DPP3: variants seen among roughly 807,000 people sequenced by gnomAD.
The protein encoded by DPP3 is dipeptidyl peptidase 3.
In DPP3, 64 loss-of-function variants were observed where a neutral mutation model predicts 89.8. The ratio of observed to expected loss-of-function variants is 0.71; its 90% CI spans 0.58 to 0.88. The LOEUF is 0.88. DPP3 is among the 40% of genes least tolerant of loss of function. The probability of loss-of-function intolerance (pLI) is 0.00; values close to 1 mark genes in which losing one functional copy is unlikely to be tolerated. For missense variants in DPP3, 835 were observed against 972.5 expected (o/e 0.86, Z 1.88); for synonymous variants, 377 against 404.3 (o/e 0.93, Z 0.81).
chr11:66,489,213 C>G (rs567008916), intron 6 of DPP3, among the ~76,000 whole-genome samples: 1 of 152,244 alleles, frequency 6.6e-6, no homozygotes, highest in East Asian at 1.9e-4. Context: ...CATGCGGAAC[C>G]CCCTCCAGCC....
At position 66,493,113 on chromosome 11, in the gene DPP3, G is replaced by C; in HGVS notation, c.1230G>C (p.Gly410=). The change falls in exon 11 of 18, where the codon GGG becomes GGC. Residue 410 remains glycine (G), a synonymous_variant. Transcript: ENST00000531863. ...QTEGFKNVSL[G]NVLAVAYATQ... is the part of the protein sequence containing the mutation. ...AAGGCTTTAAGAACGTGTCGCTGGG[G>C]AATGTGCTGGCTGTGGCCTACGCCA... 6.2e-7 allele frequency: 1 copy of C among 1,614,174 alleles called. No individual in the cohort carries two copies. The highest frequency in any genetic ancestry group is 1.1e-5 in the South Asian group (1 of 91,076).
intron 3 of DPP3, among the ~76,000 whole-genome samples, chr11:66,486,061 C>T (rs1198831453): frequency 1.3e-5 from 2 of 152,082 alleles, no homozygotes; most frequent in Non-Finnish European, 2.9e-5. Context: ...CCTCAGCTTC[C>T]AGAGTAGCTG....
chr11:66,493,406 T>G, intron 11 of DPP3, 135 bp from the exon 12 acceptor site: 1 of 929,034 alleles, frequency 1.1e-6, no homozygotes, highest in Non-Finnish European at 1.6e-6. Flanking sequence ...TGAAATGGGC[T>G]GTGGGGTGGA....
intron 6 of DPP3, among the ~76,000 whole-genome samples, chr11:66,488,565 GA>G (rs1040646975): frequency 0.26 from 27,464 of 104,376 alleles, 2,931 homozygotes; most frequent in East Asian, 0.3. Flanking sequence ...CCAGATCAAG[GA>G]AAAAAAAAAA....
chr11:66,509,018 T>C, intron 17 of DPP3, 61 bp from the exon 18 acceptor site: 3 of 1,569,956 alleles, frequency 1.9e-6, no homozygotes, highest in Non-Finnish European at 2.6e-6. Context: ...AAGATTTTTA[T>C]GATGATTCAG....
At chr11:66,485,791 G>C (rs1252714712) in intron 3 of DPP3, among the ~76,000 whole-genome samples, 2 of 152,130 alleles carry the variant, frequency 1.3e-5, no homozygotes, top group African/African-American at 4.8e-5. Context: ...TGTCACCCAA[G>C]CTGAAGTGTA....
At chr11:66,489,113 C>T (rs1423047566) in intron 6 of DPP3, among the ~76,000 whole-genome samples, 1 of 152,190 alleles carries the variant, frequency 6.6e-6, no homozygotes, top group Non-Finnish European at 1.5e-5. Context: ...GATCCGCGTG[C>T]CTCTCGGCCT....
At position 66,496,422 on chromosome 11, in the gene DPP3, T is replaced by TAGTAGAGATGGGGTTTCACCG. The variant is rs1855537632; in HGVS notation, c.1698+672_1698+673insAGTAGAGATGGGGTTTCACCG. On this transcript the variant is annotated intron_variant, in intron 15 of 17. Transcript: ENST00000531863. ...ACACCCGGCTAATTTTTTGTATTTT[T>TAGTAGAGATGGGGTTTCACCG]TTTTTCTTTTGAGACAGAGTCTCAC... Among the ~76,000 whole-genome samples the TAGTAGAGATGGGGTTTCACCG allele has an allele frequency of 2.0e-5, 3 of 151,530 alleles. No individual in the cohort carries two copies. In the East Asian group the frequency reaches 5.8e-4, roughly 29 times the overall value.
rs772749096 is a variant in DPP3, at chr11:66,482,419, C to A, written c.219C>A (p.Asp73Glu). 2 of 1,609,474 alleles carry A rather than the reference C, an allele frequency of 1.2e-6. No homozygotes were observed. The highest frequency in any genetic ancestry group is 3.3e-5 in the Admixed American group (2 of 60,036). The change falls in exon 2 of 18, where the codon GAC becomes GAA. Residue 73 changes from aspartate to glutamate, a missense_variant. Coordinates refer to ENST00000531863, the MANE Select transcript of DPP3 (RefSeq NM_130443.4). ...LSRLFRAQDP[D>E]QLRQHALAEG... ...GCCTCTTCCGCGCCCAGGACCCCGA[C>A]CAGCTGCGCCAACATGCCCTGGCTG... is the stretch of plus-strand genomic sequence containing the variant.
At position 66,492,708 on chromosome 11, in the gene DPP3, C is replaced by A; in HGVS notation, c.989-8C>A. 1 of 1,571,078 alleles carries A rather than the reference C, an allele frequency of 6.4e-7. No homozygotes were observed. Among genetic ancestry groups the A allele is most frequent in the Non-Finnish European group, 8.6e-7 (1 of 1,160,030 alleles). ...CTGCCAAGCCACAACCCCCTCCCTC[C>A]TCTGCAGGTTTCGTAGCTGTGGTGA... On this transcript the variant is annotated splice_polypyrimidine_tract_variant and splice_region_variant and intron_variant, in intron 9 of 17. Coordinates refer to ENST00000531863, the MANE Select transcript of DPP3 (RefSeq NM_130443.4).
intron 16 of DPP3, among the ~76,000 whole-genome samples, chr11:66,503,636 C>T (rs1450947184): frequency 6.6e-6 from 1 of 152,112 alleles, no homozygotes; most frequent in Non-Finnish European, 1.5e-5. Context: ...CCTGTAATCC[C>T]AGCACTTTGG....
At chr11:66,487,643 C>T (rs1002155772) in intron 5 of DPP3, among the ~76,000 whole-genome samples, 2 of 152,136 alleles carry the variant, frequency 1.3e-5, no homozygotes, top group Non-Finnish European at 2.9e-5. Flanking sequence ...TACCCACCTC[C>T]AGTAGCCCTG....
intron 10 of DPP3, 43 bp from the exon 11 acceptor site, chr11:66,493,024 T>C (rs1396728757): frequency 6.2e-7 from 1 of 1,612,416 alleles, no homozygotes; most frequent in Non-Finnish European, 8.5e-7. Flanking sequence ...CTGTTACCTT[T>C]GACCCTCACC....
At chr11:66,492,020 G>GCACC (rs1855407417) in intron 9 of DPP3, among the ~76,000 whole-genome samples, 1 of 152,206 alleles carries the variant, frequency 6.6e-6, no homozygotes, top group Admixed American at 6.5e-5. Context: ...GTTGGGGGGT[G>GCACC]GCCCAGGAAC....
intron 16 of DPP3, among the ~76,000 whole-genome samples, chr11:66,498,314 C>T (rs1590743513): frequency 3.9e-5 from 6 of 152,266 alleles, no homozygotes; most frequent in Admixed American, 3.3e-4. Flanking sequence ...AGGATGGTCT[C>T]GATCTCCTGA....
intron 16 of DPP3, among the ~76,000 whole-genome samples, chr11:66,503,233 C>G (rs1413649116): frequency 6.6e-6 from 1 of 152,132 alleles, no homozygotes; most frequent in African/African-American, 2.4e-5. Context: ...TCCCAAAGTG[C>G]TGGGATTACA....
chr11:66,488,549 G>A (rs1207519923), intron 6 of DPP3, among the ~76,000 whole-genome samples: 1 of 145,806 alleles, frequency 6.9e-6, no homozygotes, highest in Non-Finnish European at 1.5e-5. Context: ...GTGACAGAGC[G>A]AAGCTCCAGA....
chr11:66,482,304 AC>A lies in DPP3; in HGVS notation c.106del (p.His36ThrfsTer91), dbSNP rs775414695. 1.1e-5 allele frequency: 18 copies of A among 1,613,928 alleles called. No individual in the cohort carries two copies. The highest frequency in any genetic ancestry group is 1.5e-5 in the Non-Finnish European group (18 of 1,180,038). The part of the protein sequence containing the change: ...LLSPTERLYA[Y>X]HLSRAAWYGG... ...TCACCCACAGAGCGCCTCTATGCCTACCACCTGTCCCGTGCCGCCTGGTACG... is the reference window on the plus strand; with the variant it reads ...TCACCCACAGAGCGCCTCTATGCCTACACCTGTCCCGTGCCGCCTGGTACG... On this transcript the variant is annotated frameshift_variant, in exon 2 of 18. Transcript: ENST00000531863. LOFTEE classifies it high-confidence loss of function.
At position 66,490,292 on chromosome 11, in the gene DPP3, C is replaced by T. The variant is rs553998578; in HGVS notation, c.668-961C>T. 3.3e-5 allele frequency among the ~76,000 whole-genome samples: 5 copies of T among 152,216 alleles called. No individual in the cohort carries two copies. The South Asian group carries it at 1.0e-3, about 32-fold the overall frequency. ...AAAATACAGTAGTGTGTAAGCATCC[C>T]ATTGCTTCTGTAACAAATTACCACA... On this transcript the variant is annotated intron_variant, in intron 6 of 17. Transcript: ENST00000531863.
Sources: gnomAD v4.1 joint callset for allele counts (sites outside exome capture counted in the v4.1 genomes callset) on GRCh38, gnomAD v4.1.1 for gene constraint, MANE v1.5 for transcripts, NCBI Gene and HGNC (gene_info 2026-07-23, HGNC 2026-07-21) for gene names.